Variants in PPP1R7 observed in about 807,000 individuals in gnomAD.
The protein encoded by PPP1R7 is protein phosphatase 1 regulatory subunit 22.
A neutral mutation model predicts 45.2 loss-of-function variants in PPP1R7; 18 were observed. The ratio of observed to expected loss-of-function variants is 0.40; its 90% CI spans 0.28 to 0.59. The LOEUF is 0.59. Among genes scored for constraint, PPP1R7 ranks in the 20% least tolerant of loss-of-function variants. The pLI is 0.46. For synonymous variants in PPP1R7, 181 were observed against 183.4 expected (o/e 0.99, Z 0.11); for missense variants, 314 against 455.8 (o/e 0.69, Z 2.83).
chr2:241,158,388 C>G (rs1456741256), intron 3 of PPP1R7, 96 bp from the exon 4 acceptor site: 3 of 1,155,470 alleles, frequency 2.6e-6, no homozygotes, highest in Non-Finnish European at 3.9e-6. Context: ...GCACTGCCTC[C>G]CCCACTGCTG....
intron 9 of PPP1R7, among the ~76,000 whole-genome samples, chr2:241,171,242 C>T (rs2067810405): frequency 6.6e-6 from 1 of 152,202 alleles, no homozygotes; most frequent in South Asian, 2.1e-4. Flanking sequence ...GGCAGGCAGG[C>T]TGGTGATCAA....
At chr2:241,149,653 G>A, upstream of PPP1R7, 1 of 1,542,092 alleles carries the variant, frequency 6.5e-7, no homozygotes, top group Non-Finnish European at 8.7e-7. Context: ...AATAATGGGC[G>A]CCTCCGCCCC....
chr2:241,150,450 G>T, upstream of PPP1R7: 1 of 1,536,706 alleles, frequency 6.5e-7, no homozygotes, highest in East Asian at 2.7e-5. Context: ...CTGATTGGCT[G>T]AGGGGTCTGA....
At chr2:241,169,071 G>C (rs1269013105) in intron 8 of PPP1R7, among the ~76,000 whole-genome samples, 2 of 152,210 alleles carry the variant, frequency 1.3e-5, no homozygotes, top group African/African-American at 2.4e-5. Context: ...GTATTGGAAA[G>C]TGAGTAACTG....
chr2:241,181,328 A>C (rs1156750784), intron 9 of PPP1R7, among the ~76,000 whole-genome samples: 1 of 152,128 alleles, frequency 6.6e-6, no homozygotes, highest in Non-Finnish European at 1.5e-5. Flanking sequence ...CTGGTGCAAA[A>C]CTAGCCCTCC....
At chr2:241,177,799 G>A (rs1179630260) in intron 9 of PPP1R7, among the ~76,000 whole-genome samples, 1 of 152,198 alleles carries the variant, frequency 6.6e-6, no homozygotes, top group East Asian at 1.9e-4. Context: ...AGTGACCAAA[G>A]GCAGTAGCCA....
rs2068034328 is a variant in PPP1R7 at position 241,183,058 on chromosome 2, CAG to C, written c.*241_*242del. The C allele has an allele frequency of 1.8e-6, 1 of 569,366 alleles. No homozygotes were observed. The highest frequency in any genetic ancestry group is 3.1e-6 in the Non-Finnish European group (1 of 318,850). The allele number at this position is 569,366 out of a possible 1,614,324, so 35.3% of individuals were successfully genotyped here. A position where few individuals can be genotyped will look rare whatever the true frequency, so the allele number is the denominator to read the frequency against. Reference sequence around the variant, plus strand: ...TGATTGTTGACAGTTATTGTAGCCACAGAGAGAACATAAGACACGTTGCGTTC... The same window carrying C: ...TGATTGTTGACAGTTATTGTAGCCACAGAGAACATAAGACACGTTGCGTTC... On this transcript the variant is annotated 3_prime_UTR_variant, in exon 10 of 10. Transcript: ENST00000234038.
chr2:241,181,565 G>A (rs532621209), intron 9 of PPP1R7, among the ~76,000 whole-genome samples: 102 of 152,116 alleles, frequency 6.7e-4, no homozygotes, highest in South Asian at 1.2e-3. Context: ...GAGAGAAGGG[G>A]AGCTGTGCAG....
intron 8 of PPP1R7, among the ~76,000 whole-genome samples, chr2:241,169,579 G>T (rs1167314041): frequency 6.6e-6 from 1 of 152,112 alleles, no homozygotes; most frequent in Non-Finnish European, 1.5e-5. Context: ...AGCTGGGCAG[G>T]CTCTGATGGA....
At chr2:241,163,025 A>G (rs1245575517) in intron 6 of PPP1R7, among the ~76,000 whole-genome samples, 2 of 152,140 alleles carry the variant, frequency 1.3e-5, no homozygotes, top group African/African-American at 2.4e-5. Context: ...TTGGGAATCT[A>G]CTGGTCCTTG....
At chr2:241,157,769 TG>T in intron 2 of PPP1R7, 37 bp from the exon 3 acceptor site, 1 of 1,592,428 alleles carries the variant, frequency 6.3e-7, no homozygotes. Context: ...CTCCTGTTAA[TG>T]GGGTTCTGAA....
At chr2:241,179,660 A>C (rs1269778421) in intron 9 of PPP1R7, among the ~76,000 whole-genome samples, 1 of 152,242 alleles carries the variant, frequency 6.6e-6, no homozygotes, top group Admixed American at 6.5e-5. Context: ...GCTCCCTGAC[A>C]GCCCCAGTGT....
At chr2:241,170,948 GT>G (rs2067805006) in intron 9 of PPP1R7, among the ~76,000 whole-genome samples, 2 of 152,188 alleles carry the variant, frequency 1.3e-5, no homozygotes, top group South Asian at 4.2e-4. Context: ...GTGGCTGGTG[GT>G]AGGCTGGTTG....
intron 9 of PPP1R7, among the ~76,000 whole-genome samples, chr2:241,175,534 AT>A (rs1391574059): frequency 1.3e-5 from 2 of 152,234 alleles, no homozygotes; most frequent in Non-Finnish European, 2.9e-5. Context: ...GCCAAATAAT[AT>A]TCCGCAGTAT....
At chr2:241,160,880 T>C (rs1357039669) in intron 6 of PPP1R7, among the ~76,000 whole-genome samples, 1 of 151,868 alleles carries the variant, frequency 6.6e-6, no homozygotes, top group Admixed American at 6.6e-5. Flanking sequence ...CCCAGCAAAG[T>C]GGTCACTTGG....
upstream of PPP1R7, chr2:241,149,754 G>T: frequency 6.5e-7 from 1 of 1,540,858 alleles, no homozygotes; most frequent in Middle Eastern, 1.8e-4. Context: ...TTCTGAAGGC[G>T]GAGGACGCGG....
chr2:241,154,246 G>T (rs1454669341), intron 2 of PPP1R7, among the ~76,000 whole-genome samples: 1 of 148,932 alleles, frequency 6.7e-6, no homozygotes, highest in African/African-American at 2.5e-5. Context: ...TTAACCATAT[G>T]TTTAGGAAAT....
intron 7 of PPP1R7, among the ~76,000 whole-genome samples, chr2:241,164,572 C>A (rs2067665709): frequency 6.6e-6 from 1 of 152,124 alleles, no homozygotes; most frequent in Admixed American, 6.6e-5. Context: ...CGCTCTTAAC[C>A]CTTGGTGAAG....
At chr2:241,179,779 T>C (rs532257358) in intron 9 of PPP1R7, among the ~76,000 whole-genome samples, 1 of 152,252 alleles carries the variant, frequency 6.6e-6, no homozygotes, top group South Asian at 2.1e-4. Context: ...GGAGACAGAG[T>C]CTCATACAAG....
Sources: allele counts gnomAD v4.1 joint callset (sites outside exome capture counted in the v4.1 genomes callset), GRCh38; gene constraint gnomAD v4.1.1; transcripts MANE v1.5; gene names NCBI Gene and HGNC (gene_info 2026-07-23, HGNC 2026-07-21).